The following EYS variants were observed in gnomAD, a reference collection of about 807,000 sequenced individuals.
The protein encoded by EYS is EGF-like photoreceptor maintenance factor.
EYS carries 250 observed loss-of-function variants against 282.1 expected under a neutral mutation model. The observed-to-expected ratio is 0.89, with a 90% CI of 0.80 to 0.98. EYS has a LOEUF of 0.98. EYS is among the 50% of genes least tolerant of loss of function. The pLI is 0.00. For synonymous variants in EYS, 1,355 were observed against 1,282.9 expected, an observed-to-expected ratio of 1.06 and a Z score of -1.20; for missense variants, 4,016 against 3,709.0, an observed-to-expected ratio of 1.08 and a Z score of -2.15.
intron 5 of EYS, among the ~76,000 whole-genome samples, chr6:65,483,789 G>C (rs1343047638): frequency 6.6e-6 from 1 of 152,126 alleles, no homozygotes; most frequent in African/African-American, 2.4e-5. Flanking sequence ...CCACGTGGCT[G>C]GGGAAGCCTC....
intron 22 of EYS, among the ~76,000 whole-genome samples, chr6:64,755,967 TAA>T (rs1450805038): frequency 8.5e-5 from 13 of 152,212 alleles, no homozygotes; most frequent in Admixed American, 7.8e-4. Context: ...ACAAATTTTA[TAA>T]AAGTACATTC....
In EYS at chr6:64,659,608, C is replaced by T. The variant is rs541331699; in HGVS notation, c.3444-33363G>A. 9.2e-5 allele frequency among the ~76,000 whole-genome samples: 14 copies of T among 152,246 alleles called. No homozygotes were observed. In the South Asian group the frequency reaches 1.7e-3, roughly 18 times the overall value. ...TACCATCAGAGAATACTATAAACAC[C>T]TCTAAGCAAATAAACTAGAAAATCC... is the stretch of plus-strand genomic sequence containing the variant. On this transcript the variant is annotated intron_variant, in intron 22 of 42. Coordinates refer to ENST00000503581, the MANE Select transcript of EYS (RefSeq NM_001142800.2).
intron 5 of EYS, among the ~76,000 whole-genome samples, chr6:65,416,187 G>GA (rs1472680968): frequency 2.6e-5 from 4 of 151,890 alleles, no homozygotes; most frequent in Non-Finnish European, 5.9e-5. Flanking sequence ...GAACAAATTT[G>GA]AAAAATGAGA....
intron 36 of EYS, among the ~76,000 whole-genome samples, chr6:63,835,760 T>A (rs947298696): frequency 6.6e-6 from 1 of 152,014 alleles, no homozygotes; most frequent in Non-Finnish European, 1.5e-5. Context: ...ACTATAACAG[T>A]TTTAGAAATA....
chr6:65,421,158 T>C (rs925816486), intron 5 of EYS, among the ~76,000 whole-genome samples: 8 of 151,942 alleles, frequency 5.3e-5, no homozygotes, highest in African/African-American at 1.9e-4. Context: ...GTGAAAGTCC[T>C]AGGTGGCACT....
chr6:65,533,629 T>G (rs77760893), intron 2 of EYS, among the ~76,000 whole-genome samples: 1 of 152,054 alleles, frequency 6.6e-6, no homozygotes, highest in Non-Finnish European at 1.5e-5. Context: ...GAGGCCTCTG[T>G]CCTAATGAAT....
intron 30 of EYS, among the ~76,000 whole-genome samples, chr6:64,236,520 A>C (rs13205645): frequency 0.31 from 47,694 of 151,820 alleles, 7,464 homozygotes; most frequent in East Asian, 0.51. Context: ...AAGAGGCTTC[A>C]CCGTTTTACA....
At chr6:63,954,842 G>A (rs1369465706) in intron 35 of EYS, among the ~76,000 whole-genome samples, 1 of 151,758 alleles carries the variant, frequency 6.6e-6, no homozygotes, top group Non-Finnish European at 1.5e-5. Context: ...CCTCTTCCAT[G>A]TAGGTTACAA....
At chr6:65,574,586 T>C (rs1288504195) in intron 2 of EYS, among the ~76,000 whole-genome samples, 1 of 152,186 alleles carries the variant, frequency 6.6e-6, no homozygotes, top group Non-Finnish European at 1.5e-5. Context: ...GTAATGATTG[T>C]AAACATATAT....
At chr6:64,276,171 A>G (rs953823055) in intron 30 of EYS, among the ~76,000 whole-genome samples, 13 of 152,086 alleles carry the variant, frequency 8.5e-5, no homozygotes, top group African/African-American at 3.1e-4. Flanking sequence ...TTCGAGATTG[A>G]CAGTTTGATT....
intron 33 of EYS, among the ~76,000 whole-genome samples, chr6:64,020,737 G>C (rs1769148590): frequency 6.6e-6 from 1 of 152,088 alleles, no homozygotes; most frequent in Non-Finnish European, 1.5e-5. Context: ...TTTATTGATA[G>C]ACAGTCAATG....
chr6:64,314,647 T>A (rs538286725), intron 29 of EYS, among the ~76,000 whole-genome samples: 59 of 152,136 alleles, frequency 3.9e-4, no homozygotes, highest in African/African-American at 1.4e-3. Context: ...ACTGCACAAC[T>A]AAAGGAAACT....
Position 65,494,749 on chromosome 6 carries a change from G to A in EYS, c.662C>T (p.Pro221Leu), listed in dbSNP as rs779384630. ...CQELDACSFK[P>L]CKNNGSCINK... ...AATGCAACTGCCATTATTTTTACATGGTTTAAAAGAACATGCATCAAGTTC... is the reference window on the plus strand; with the variant it reads ...AATGCAACTGCCATTATTTTTACATAGTTTAAAAGAACATGCATCAAGTTC... Residue 221 changes from proline to leucine, a missense_variant, in exon 4 of 43, where the codon CCA becomes CTA. By Grantham distance (98) the Pro-to-Leu change is moderately conservative. Coordinates refer to ENST00000503581, the MANE Select transcript of EYS (RefSeq NM_001142800.2). 2 of 1,613,600 alleles carry A rather than the reference G, an allele frequency of 1.2e-6. No individual in the cohort carries two copies. Among genetic ancestry groups the A allele is most frequent in the East Asian group, 2.2e-5 (1 of 44,846 alleles).
intron 33 of EYS, among the ~76,000 whole-genome samples, chr6:64,002,224 G>A (rs1248105550): frequency 6.6e-6 from 1 of 152,156 alleles, no homozygotes; most frequent in African/African-American, 2.4e-5. Context: ...CAACTCCAGG[G>A]GAAGACCATC....
Position 65,027,762 on chromosome 6 carries a change from C to G in EYS, c.2137+29852G>C, listed in dbSNP as rs377210846. Among the ~76,000 whole-genome samples, 30 of 152,198 alleles carry G rather than the reference C, an allele frequency of 2.0e-4. No homozygotes were observed. In the East Asian group the frequency reaches 5.4e-3, roughly 27 times the overall value. ...TCCTTTTTAGTGCCAGATAGTATAT[C>G]ATTGTATTTATGTACCAGAAGTTAT... is the stretch of plus-strand genomic sequence containing the variant. On this transcript the variant is annotated intron_variant, in intron 13 of 42. Transcript: ENST00000503581.
At chr6:64,021,676 T>C (rs1769199389) in intron 33 of EYS, among the ~76,000 whole-genome samples, 1 of 152,186 alleles carries the variant, frequency 6.6e-6, no homozygotes, top group African/African-American at 2.4e-5. Flanking sequence ...AGGGAATACA[T>C]TCACTACATT....
At chr6:64,881,751 T>G (rs914758545) in intron 19 of EYS, among the ~76,000 whole-genome samples, 1 of 151,800 alleles carries the variant, frequency 6.6e-6, no homozygotes, top group African/African-American at 2.4e-5. Context: ...TATTGGCTAT[T>G]AAAATTTGCA....
At chr6:64,699,544 T>C (rs1288304454) in intron 22 of EYS, among the ~76,000 whole-genome samples, 1 of 152,032 alleles carries the variant, frequency 6.6e-6, no homozygotes, top group African/African-American at 2.4e-5. Flanking sequence ...ATTCAAAGGA[T>C]CATCAGAGAC....
chr6:65,515,856 G>A lies in EYS; in HGVS notation c.-332-19863C>T, dbSNP rs1297587473. On this transcript the variant is annotated intron_variant, in intron 2 of 42. Transcript: ENST00000503581. ...ACCTAATGCTAAATGACGAGTTAAC[G>A]GGTGCAGCACACCAGCATGGCACAT... 3.3e-5 allele frequency among the ~76,000 whole-genome samples: 5 copies of A among 150,600 alleles called. No homozygotes were observed. The East Asian group carries it at 8.0e-4, about 24-fold the overall frequency.
Sources: gnomAD v4.1 joint callset for allele counts (sites outside exome capture counted in the v4.1 genomes callset) on GRCh38, gnomAD v4.1.1 for gene constraint, MANE v1.5 for transcripts, NCBI Gene and HGNC (gene_info 2026-07-23, HGNC 2026-07-21) for gene names.